The following SLC6A5 variants were observed in gnomAD, a reference collection of about 807,000 sequenced individuals.
The protein encoded by SLC6A5 is sodium- and chloride-dependent glycine transporter 2.
A neutral mutation model predicts 90.5 loss-of-function variants in SLC6A5; 58 were observed. That is an observed-to-expected ratio of 0.64 (90% CI 0.52 to 0.80). The LOEUF (loss-of-function observed/expected upper bound fraction) is 0.80, where lower values mean the gene tolerates loss of function less well. SLC6A5 is among the 30% of genes least tolerant of loss of function. The pLI, the probability that SLC6A5 is intolerant of heterozygous loss-of-function variation, is 0.00. For synonymous variants in SLC6A5, 427 were observed against 401.4 expected, an observed-to-expected ratio of 1.06 and a Z score of -0.76; for missense variants, 1,015 against 1,017.6, an observed-to-expected ratio of 1.00 and a Z score of 0.03.
intron 13 of SLC6A5, among the ~76,000 whole-genome samples, chr11:20,641,045 A>C (rs890512758): frequency 1.3e-5 from 2 of 152,238 alleles, no homozygotes; most frequent in Non-Finnish European, 2.9e-5. Context: ...TCTCAAGTCA[A>C]CATGCCTCAA....
chr11:20,604,233 T>A, intron 2 of SLC6A5, 53 bp from the exon 3 acceptor site: 1 of 1,561,592 alleles, frequency 6.4e-7, no homozygotes, highest in East Asian at 2.3e-5. Flanking sequence ...GGAAGGGGCC[T>A]GCTTGTGGAC....
chr11:20,607,626 G>A lies in SLC6A5; in HGVS notation c.959G>A (p.Cys320Tyr), dbSNP rs749646019. 10 of 1,614,130 alleles carry A rather than the reference G, an allele frequency of 6.2e-6. No individual in the cohort carries two copies. The highest frequency in any genetic ancestry group is 1.1e-5 in the South Asian group (1 of 91,088). The part of the protein sequence containing the change: ...SCNNPWNTPE[C>Y]KDKTKLLLDS... ...AACAACCCTTGGAATACGCCAGAAT[G>A]CAAAGATAAAACCAAACTTTTATTA... Residue 320 changes from cysteine (C) to tyrosine (Y), a missense_variant, in exon 5 of 16, where the codon TGC becomes TAC. This residue lies in a region of SLC6A5 where 567 missense variants were observed against 507.3 expected (regional missense o/e 1.12). Transcript: ENST00000525748.
In SLC6A5 at chr11:20,654,832, G is replaced by T; in HGVS notation, c.2358G>T (p.Leu786=). Reference sequence around the variant, plus strand: ...GAACCTCTTCCTTGGGACTCAAACTGCCAGTGAAGGATTTGGAACTGGGCA... The same window carrying T: ...GAACCTCTTCCTTGGGACTCAAACTTCCAGTGAAGGATTTGGAACTGGGCA... ...PLGTSSLGLK[L]PVKDLELGTQ... The change falls in exon 16 of 16, where the codon CTG becomes CTT. Residue 786 remains leucine (L), a synonymous_variant. Coordinates refer to ENST00000525748, the MANE Select transcript of SLC6A5 (RefSeq NM_004211.5). The T allele has an allele frequency of 6.2e-7, 1 of 1,614,188 alleles. No homozygotes were observed. Among genetic ancestry groups the T allele is most frequent in the South Asian group, 1.1e-5 (1 of 91,084 alleles).
intron 5 of SLC6A5, 94 bp from the exon 6 acceptor site, chr11:20,614,585 T>C: frequency 8.4e-7 from 1 of 1,194,530 alleles, no homozygotes; most frequent in Admixed American, 1.7e-5. Flanking sequence ...TTTGCAAATG[T>C]TTTTGGCATT....
chr11:20,608,857 A>G (rs1204562696), intron 5 of SLC6A5, among the ~76,000 whole-genome samples: 1 of 151,554 alleles, frequency 6.6e-6, no homozygotes, highest in Admixed American at 6.6e-5. Context: ...CAGAGAGATG[A>G]CATTTTTTTC....
chr11:20,607,233 G>T, intron 4 of SLC6A5, 95 bp downstream of exon 4: 2 of 1,481,214 alleles, frequency 1.4e-6, no homozygotes, highest in East Asian at 2.4e-5. Flanking sequence ...TGCCTTTGTG[G>T]TTAATAGAAC....
intron 5 of SLC6A5, among the ~76,000 whole-genome samples, chr11:20,611,975 G>A (rs1852702524): frequency 6.6e-6 from 1 of 152,168 alleles, no homozygotes; most frequent in Admixed American, 6.5e-5. Context: ...GCAACGCAGG[G>A]TCTTGGTGAA....
At chr11:20,612,596 C>A (rs1852714099) in intron 5 of SLC6A5, among the ~76,000 whole-genome samples, 2 of 152,250 alleles carry the variant, frequency 1.3e-5, no homozygotes, top group South Asian at 4.1e-4. Context: ...CAGCTCACTG[C>A]AACCTTGAAC....
At chr11:20,650,888 G>A (rs1040461511) in intron 14 of SLC6A5, among the ~76,000 whole-genome samples, 2 of 151,166 alleles carry the variant, frequency 1.3e-5, no homozygotes, top group Non-Finnish European at 2.9e-5. Flanking sequence ...GGATGGTCTC[G>A]ATCTCCTGAC....
chr11:20,655,044 G>A lies in SLC6A5; in HGVS notation c.*176G>A. The A allele has an allele frequency of 1.4e-6, 1 of 721,278 alleles. No homozygotes were observed. The highest frequency in any genetic ancestry group is 2.4e-6 in the Non-Finnish European group (1 of 409,698). The allele number at this position is 721,278 out of a possible 1,614,324, so 44.7% of individuals were successfully genotyped here. A position where few individuals can be genotyped will look rare whatever the true frequency, so the allele number is the denominator to read the frequency against. On this transcript the variant is annotated 3_prime_UTR_variant, in exon 16 of 16. Transcript: ENST00000525748. ...GCATAGTGTCGCATGCTGCAGTAAA[G>A]AGCTACATAGACCACCTGAAGCGCT...
chr11:20,649,473 AT>A (rs1853482412), intron 14 of SLC6A5, among the ~76,000 whole-genome samples: 2 of 152,222 alleles, frequency 1.3e-5, no homozygotes, highest in Non-Finnish European at 2.9e-5. Flanking sequence ...AGGGAAATTT[AT>A]GGCAAAGGAC....
chr11:20,635,448 A>AT (rs1853187704), intron 10 of SLC6A5, among the ~76,000 whole-genome samples: 1 of 152,042 alleles, frequency 6.6e-6, no homozygotes, highest in African/African-American at 2.4e-5. Flanking sequence ...AGCCCCATTT[A>AT]TACCAATAGT....
intron 7 of SLC6A5, among the ~76,000 whole-genome samples, chr11:20,625,788 C>T (rs1341308937): frequency 1.3e-5 from 2 of 152,186 alleles, no homozygotes; most frequent in East Asian, 3.9e-4. Flanking sequence ...CTTGCCTCTC[C>T]TCCTCTAAGC....
intron 5 of SLC6A5, among the ~76,000 whole-genome samples, chr11:20,608,946 CTCTCTCTCTCTCTGTGTGTG>C (rs1263591833): frequency 8.5e-4 from 97 of 114,168 alleles, no homozygotes; most frequent in East Asian, 6.6e-3. Flanking sequence ...CTCTCTCTCT[CTCTCTCTCTCTCTGTGTGTG>C]TGTGTGTGTG....
chr11:20,601,556 A>T lies in SLC6A5; in HGVS notation c.431A>T (p.Asn144Ile), dbSNP rs766314212. 3 of 1,614,176 alleles carry T rather than the reference A, an allele frequency of 1.9e-6. No homozygotes were observed. In the South Asian group the frequency reaches 3.3e-5, roughly 18 times the overall value. Residue 144 changes from asparagine to isoleucine, a missense_variant, in exon 2 of 16, where the codon AAC (asparagine) becomes ATC (isoleucine). By Grantham distance (149) the Asn-to-Ile change is moderately radical (BLOSUM62 -3). Around this residue, in one of 3 missense-constraint regions of SLC6A5, gnomAD observed 567 missense variants for 507.3 expected, o/e 1.12. Transcript: ENST00000525748. ...GTGGGCAAGGGCACCCTGGAGCGGAACAATACCCCTGTTGTGGGCTGGGTG... is the reference window on the plus strand; with the variant it reads ...GTGGGCAAGGGCACCCTGGAGCGGATCAATACCCCTGTTGTGGGCTGGGTG... The part of the protein sequence containing the change: ...VSVGKGTLER[N>I]NTPVVGWVNM...
At chr11:20,628,109 G>A in intron 9 of SLC6A5, 26 bp downstream of exon 9, 1 of 1,550,368 alleles carries the variant, frequency 6.5e-7, no homozygotes, top group Non-Finnish European at 8.9e-7. Flanking sequence ...ACAAGATCTG[G>A]GCATAGCTGG....
At chr11:20,618,126 TG>T (rs11362929) in intron 7 of SLC6A5, among the ~76,000 whole-genome samples, 151,629 of 152,232 alleles carry the variant, frequency 1, 75,521 homozygotes, top group East Asian at 1. Flanking sequence ...CAAGGGATGG[TG>T]GGGGGTACTC....
At chr11:20,604,473 T>G in intron 3 of SLC6A5, 49 bp downstream of exon 3, 1 of 1,599,858 alleles carries the variant, frequency 6.3e-7, no homozygotes. Flanking sequence ...GGCGGGCACC[T>G]GAGGGTTGGG....
At chr11:20,631,481 T>A (rs1237237827) in intron 10 of SLC6A5, among the ~76,000 whole-genome samples, 1 of 152,194 alleles carries the variant, frequency 6.6e-6, no homozygotes, top group East Asian at 1.9e-4. Flanking sequence ...GACAAAGAGC[T>A]TTCATTTTTA....
Sources: gnomAD v4.1 joint callset for allele counts (sites outside exome capture counted in the v4.1 genomes callset) on GRCh38, gnomAD v4.1.1 for gene constraint, gnomAD v4.1.1 regional missense constraint, MANE v1.5 for transcripts, NCBI Gene and HGNC (gene_info 2026-07-23, HGNC 2026-07-21) for gene names.